TENM1: variants seen among roughly 807,000 people sequenced by gnomAD.
The protein encoded by TENM1 is teneurin transmembrane protein 1.
A neutral mutation model predicts 174.8 loss-of-function variants in TENM1; 35 were observed. The ratio of observed to expected loss-of-function variants is 0.20; its 90% confidence interval spans 0.15 to 0.27. The LOEUF (loss-of-function observed/expected upper bound fraction) is 0.27, where lower values mean the gene tolerates loss of function less well. TENM1 is among the 10% of genes least tolerant of loss of function. The pLI is 1.00. For missense variants in TENM1, 1,633 were observed against 2,130.1 expected (o/e 0.77, Z 4.59); for synonymous variants, 781 against 798.7 (o/e 0.98, Z 0.37).
Position 124,520,791 on chromosome X carries a change from T to TAA in TENM1, c.3034-9_3034-8dup, listed in dbSNP as rs112813437. The stretch of plus-strand genomic sequence containing the variant: ...GAATTTCCTCCTGTACAACCTGAAA[T>TAA]AAAAAAAAAAAAAAAAAGCCAAATA... On this transcript the variant is annotated splice_polypyrimidine_tract_variant and splice_region_variant and intron_variant, in intron 17 of 31. Coordinates refer to ENST00000422452, the Ensembl canonical transcript of TENM1. The TAA allele has an allele frequency of 6.2e-5, 64 of 1,035,003 alleles. No homozygotes were observed. Among genetic ancestry groups the TAA allele is most frequent in the Admixed American group, 7.7e-5 (2 of 25,893 alleles). 85.3% of individuals were successfully genotyped at this position (1,035,003 alleles called of 1,213,427 possible).
intron 21 of TENM1, among the ~76,000 whole-genome samples, chrX:124,486,473 G>C (rs2046956113): frequency 8.9e-6 from 1 of 112,123 alleles, no homozygotes; most frequent in South Asian, 3.7e-4. Flanking sequence ...TGGCATTTAG[G>C]AAGTGGCATT....
At chrX:124,809,765 A>G (rs1419540336) in intron 3 of TENM1, among the ~76,000 whole-genome samples, 4 of 107,779 alleles carry the variant, frequency 3.7e-5, no homozygotes, top group South Asian at 4.3e-4. Flanking sequence ...TGAGTTCTGC[A>G]TGGCTGGGAT....
intron 15 of TENM1, among the ~76,000 whole-genome samples, chrX:124,535,395 G>A (rs4825907): frequency 0.091 from 10,101 of 110,903 alleles, 338 homozygotes; most frequent in South Asian, 0.13. Context: ...TGTCAGGCAT[G>A]AATTTTAACT....
chrX:124,560,634 C>T (rs1225079403), intron 14 of TENM1, among the ~76,000 whole-genome samples: 1 of 111,201 alleles, frequency 9.0e-6, no homozygotes, highest in Non-Finnish European at 1.9e-5. Context: ...TTAGCCAGAA[C>T]AAGTAAAGGA....
At chrX:125,013,902 C>T in the TENM1 span, among the ~76,000 whole-genome samples, 1 of 111,633 alleles carries the variant, frequency 9.0e-6, no homozygotes. Context: ...TGTTAAATAT[C>T]TCTTGGAATG....
Position 124,632,037 on chromosome X carries a change from C to T in TENM1, c.2077+9754G>A, listed in dbSNP as rs562154862. On this transcript the variant is annotated intron_variant, in intron 11 of 31. Coordinates refer to ENST00000422452, the Ensembl canonical transcript of TENM1. ...AAGCAATTCTCCTGCCTCAGCTTCC[C>T]GAGTAGCTGGGATTATAGGAGCATG... 4.4e-4 allele frequency among the ~76,000 whole-genome samples: 47 copies of T among 106,001 alleles called. No homozygotes were observed. The South Asian group carries it at 7.3e-3, about 17-fold the overall frequency. 92.0% of individuals were successfully genotyped at this position (106,001 alleles called of 115,157 possible).
At chrX:125,093,619 CTGATT>C in the TENM1 span, among the ~76,000 whole-genome samples, 1 of 111,372 alleles carries the variant, frequency 9.0e-6, no homozygotes, top group Non-Finnish European at 1.9e-5. Context: ...GAGAGTCAAT[CTGATT>C]TATTTATACA....
chrX:125,156,222 C>T, the TENM1 span, among the ~76,000 whole-genome samples: 45 of 111,794 alleles, frequency 4.0e-4, no homozygotes, highest in Non-Finnish European at 6.8e-4. Flanking sequence ...TGTAACCATC[C>T]GCAGGCCTCT....
At chrX:124,721,742 A>G (rs937472262) in intron 4 of TENM1, among the ~76,000 whole-genome samples, 18 of 112,417 alleles carry the variant, frequency 1.6e-4, no homozygotes, top group African/African-American at 4.2e-4. Context: ...CATGCTCCAC[A>G]TGAATGTGTT....
the TENM1 span, among the ~76,000 whole-genome samples, chrX:125,053,095 CAGAA>C: frequency 1.8e-5 from 2 of 111,738 alleles, no homozygotes; most frequent in African/African-American, 3.3e-5. Context: ...AACAAAAAGA[CAGAA>C]AGAGACTGTG....
intron 3 of TENM1, among the ~76,000 whole-genome samples, chrX:124,766,376 T>C (rs1184274704): frequency 1.8e-5 from 2 of 112,017 alleles, no homozygotes; most frequent in Non-Finnish European, 3.8e-5. Flanking sequence ...TAGAATATAA[T>C]ATATCCTAGA....
intron 3 of TENM1, among the ~76,000 whole-genome samples, chrX:124,775,401 G>C (rs1270811980): frequency 9.0e-6 from 1 of 111,084 alleles, no homozygotes; most frequent in Non-Finnish European, 1.9e-5. Context: ...ACATTGTTCA[G>C]GTATGAAACA....
At chrX:124,703,474 G>A (rs950838509) in intron 5 of TENM1, among the ~76,000 whole-genome samples, 2 of 111,491 alleles carry the variant, frequency 1.8e-5, no homozygotes, top group Non-Finnish European at 3.8e-5. Flanking sequence ...ATTAAACATG[G>A]TATAAACCTA....
the TENM1 span, among the ~76,000 whole-genome samples, chrX:125,014,562 T>C: frequency 8.9e-6 from 1 of 112,031 alleles, no homozygotes; most frequent in Non-Finnish European, 1.9e-5. Flanking sequence ...GTTATTATTA[T>C]TTAACCTTTG....
At chrX:124,960,105 A>T in intron 1 of TENM1, among the ~76,000 whole-genome samples, 1 of 112,201 alleles carries the variant, frequency 8.9e-6, no homozygotes, top group African/African-American at 3.2e-5. Flanking sequence ...TCTGATGCTT[A>T]AAGGGAATTT....
intron 28 of TENM1, among the ~76,000 whole-genome samples, chrX:124,387,891 G>T (rs1320626644): frequency 8.9e-6 from 1 of 111,924 alleles, no homozygotes; most frequent in Non-Finnish European, 1.9e-5. Flanking sequence ...AAAACCTCCT[G>T]AACAAAAGGA....
the TENM1 span, among the ~76,000 whole-genome samples, chrX:125,166,110 CTT>C: frequency 3.6e-5 from 4 of 111,240 alleles, no homozygotes; most frequent in Admixed American, 9.6e-5. Context: ...TGCATTGGCT[CTT>C]TTCATTTACA....
At chrX:124,513,089 GA>G (rs1218100531) in intron 18 of TENM1, among the ~76,000 whole-genome samples, 2 of 111,855 alleles carry the variant, frequency 1.8e-5, no homozygotes, top group African/African-American at 6.5e-5. Flanking sequence ...CTTTAAACAA[GA>G]AAAATTTCTC....
At chrX:124,662,414 A>G (rs758923095) in intron 6 of TENM1, among the ~76,000 whole-genome samples, 1 of 101,063 alleles carries the variant, frequency 9.9e-6, no homozygotes, top group African/African-American at 3.7e-5. Context: ...AGATCGCGCC[A>G]TTGCACTGCA....
Sources: allele counts gnomAD v4.1 joint callset (sites outside exome capture counted in the v4.1 genomes callset), GRCh38; gene constraint gnomAD v4.1.1; transcripts MANE v1.5; gene names NCBI Gene and HGNC (gene_info 2026-07-23, HGNC 2026-07-21).